The following LDLRAD4 variants were observed in gnomAD, a reference collection of about 807,000 sequenced individuals.
LDLRAD4 encodes the protein low-density lipoprotein receptor class A domain-containing protein 4.
In LDLRAD4, 5 loss-of-function variants were observed where a neutral mutation model predicts 17.0. The ratio of observed to expected loss-of-function variants is 0.29; its 90% CI spans 0.15 to 0.62. The LOEUF is 0.62. LDLRAD4 is among the 20% of genes least tolerant of loss of function. The pLI, the probability that LDLRAD4 is intolerant of heterozygous loss-of-function variation, is 0.84. For missense variants in LDLRAD4, 340 were observed against 424.7 expected (o/e 0.80, Z 1.75); for synonymous variants, 168 against 171.8 (o/e 0.98, Z 0.17).
At chr18:13,358,648 C>T (rs947630292) in intron 1 of LDLRAD4, among the ~76,000 whole-genome samples, 10 of 152,020 alleles carry the variant, frequency 6.6e-5, no homozygotes, top group African/African-American at 2.2e-4. Context: ...CAGAGTTAGA[C>T]GAAAACTACT....
At chr18:13,403,825 A>T (rs946072253) in intron 2 of LDLRAD4, among the ~76,000 whole-genome samples, 1 of 152,232 alleles carries the variant, frequency 6.6e-6, no homozygotes, top group South Asian at 2.1e-4. Context: ...GGAGGCCATG[A>T]CCTTAAAGCA....
Position 13,318,919 on chromosome 18 carries a change from A to C in LDLRAD4, c.-383+40731A>C, listed in dbSNP as rs746878129. 1.3e-5 allele frequency among the ~76,000 whole-genome samples: 2 copies of C among 152,082 alleles called. 1 individual carries two copies. Among genetic ancestry groups the C allele is most frequent in the South Asian group, 4.1e-4 (2 of 4,830 alleles). ...ACCACGGACCGCAGTCCCCTTCCCT[A>C]GTGACTCGCTGTCCCCTTCCTTTGT... On this transcript the variant is annotated intron_variant, in intron 1 of 5. Coordinates refer to ENST00000359446, the Ensembl canonical transcript of LDLRAD4.
At chr18:13,270,415 A>G (rs574474052) in intron 1 of LDLRAD4, among the ~76,000 whole-genome samples, 59 of 152,244 alleles carry the variant, frequency 3.9e-4, no homozygotes, top group African/African-American at 1.3e-3. Flanking sequence ...GGGGCTCACT[A>G]CAGATGTGTA....
chr18:13,301,746 C>T (rs913517782), intron 1 of LDLRAD4, among the ~76,000 whole-genome samples: 3 of 152,230 alleles, frequency 2.0e-5, no homozygotes, highest in African/African-American at 4.8e-5. Context: ...CATTGCCCAT[C>T]GTGCACCTCC....
At chr18:13,624,881 C>T (rs1407853649) in intron 4 of LDLRAD4, among the ~76,000 whole-genome samples, 1 of 152,214 alleles carries the variant, frequency 6.6e-6, no homozygotes, top group Non-Finnish European at 1.5e-5. Flanking sequence ...GGCAAGGCGG[C>T]TGGGGAGGAT....
chr18:13,578,827 CTTTTTTTTTTTTTTTTT>C (rs1003295658), intron 3 of LDLRAD4, among the ~76,000 whole-genome samples: 1 of 65,676 alleles, frequency 1.5e-5, no homozygotes, highest in Non-Finnish European at 2.8e-5. Flanking sequence ...TTGTCCGGGT[CTTTTTTTTTTTTTTTTT>C]TTTTTTTTTT....
chr18:13,628,838 G>T (rs2041402370), intron 4 of LDLRAD4, among the ~76,000 whole-genome samples: 1 of 152,158 alleles, frequency 6.6e-6, no homozygotes, highest in African/African-American at 2.4e-5. Flanking sequence ...AGGTTTTGGG[G>T]TTATTTTTAA....
At chr18:13,619,891 G>T (rs902541269) in intron 3 of LDLRAD4, among the ~76,000 whole-genome samples, 1 of 152,084 alleles carries the variant, frequency 6.6e-6, no homozygotes, top group Non-Finnish European at 1.5e-5. Flanking sequence ...CTCCTACACA[G>T]TCTGCTCTTC....
intron 3 of LDLRAD4, among the ~76,000 whole-genome samples, chr18:13,451,464 C>T (rs1163870810): frequency 6.6e-6 from 1 of 152,172 alleles, no homozygotes; most frequent in Non-Finnish European, 1.5e-5. Flanking sequence ...AGTGGAAGCT[C>T]CCTGAGGCTC....
At chr18:13,314,652 G>A (rs2080833979) in intron 1 of LDLRAD4, among the ~76,000 whole-genome samples, 1 of 152,202 alleles carries the variant, frequency 6.6e-6, no homozygotes, top group East Asian at 1.9e-4. Context: ...CTGGATAGGT[G>A]AAGAACAAAA....
At chr18:13,243,325 T>A (rs767802084) in intron 1 of LDLRAD4, among the ~76,000 whole-genome samples, 19 of 152,098 alleles carry the variant, frequency 1.2e-4, no homozygotes. Context: ...CACTGGAATA[T>A]CTCTCAACCT....
intron 3 of LDLRAD4, chr18:13,561,479 GA>G (rs2094540145): frequency 6.6e-6 from 1 of 152,206 alleles, no homozygotes; most frequent in Non-Finnish European, 1.5e-5. Flanking sequence ...GATATTTCAA[GA>G]AAGAGAAGTA....
intron 3 of LDLRAD4, among the ~76,000 whole-genome samples, chr18:13,466,881 G>A (rs1202072658): frequency 6.6e-6 from 1 of 152,166 alleles, no homozygotes; most frequent in African/African-American, 2.4e-5. Flanking sequence ...TCTTTTATAA[G>A]GACACTAATC....
rs147775293 is a variant in LDLRAD4, at chr18:13,255,431, TG to T, written c.-466-22671del. 1.8e-3 allele frequency among the ~76,000 whole-genome samples: 272 copies of T among 152,276 alleles called. 3 individuals are homozygous for T. The East Asian group carries it at 0.018, about 10-fold the overall frequency. On this transcript the variant is annotated intron_variant, in intron 1 of 5. Transcript: ENST00000399848. Reference sequence around the variant, plus strand: ...CTGAGGCAACTCTGTGCAAAGGCTGTGGGTGAGCGGTTGCCTGGAGTGGTCA... The same window carrying T: ...CTGAGGCAACTCTGTGCAAAGGCTGTGGTGAGCGGTTGCCTGGAGTGGTCA...
At chr18:13,348,774 G>A (rs1365817742) in intron 1 of LDLRAD4, among the ~76,000 whole-genome samples, 1 of 152,156 alleles carries the variant, frequency 6.6e-6, no homozygotes. Context: ...AGCAATGGCG[G>A]GCGCCCCTCC....
intron 3 of LDLRAD4, among the ~76,000 whole-genome samples, chr18:13,610,918 G>C (rs1206905407): frequency 2.6e-5 from 4 of 152,204 alleles, no homozygotes; most frequent in Admixed American, 6.5e-5. Flanking sequence ...TGCTCAGGAA[G>C]AATCATACCA....
intron 1 of LDLRAD4, among the ~76,000 whole-genome samples, chr18:13,369,689 G>T (rs2084319082): frequency 6.6e-6 from 1 of 152,204 alleles, no homozygotes; most frequent in Admixed American, 6.5e-5. Flanking sequence ...CCCCTGCACT[G>T]CAGCACCTTG....
At chr18:13,325,608 TC>T (rs2081481383) in intron 1 of LDLRAD4, among the ~76,000 whole-genome samples, 1 of 152,130 alleles carries the variant, frequency 6.6e-6, no homozygotes, top group East Asian at 1.9e-4. Context: ...ACTCTCCCTC[TC>T]CGCGTGGGCA....
At chr18:13,228,452 C>A (rs2041916933) in intron 1 of LDLRAD4, among the ~76,000 whole-genome samples, 1 of 152,180 alleles carries the variant, frequency 6.6e-6, no homozygotes, top group Non-Finnish European at 1.5e-5. Flanking sequence ...CGATTTCTGT[C>A]TGATTTGACC....
Sources: gnomAD v4.1 joint callset for allele counts (sites outside exome capture counted in the v4.1 genomes callset) on GRCh38, gnomAD v4.1.1 for gene constraint, MANE v1.5 for transcripts, NCBI Gene and HGNC (gene_info 2026-07-23, HGNC 2026-07-21) for gene names.